The following MGMT variants were observed in gnomAD, a reference collection of about 807,000 sequenced individuals.
The protein encoded by MGMT is O-6-methylguanine-DNA methyltransferase.
A neutral mutation model predicts 15.9 loss-of-function variants in MGMT; 14 were observed. That is an observed-to-expected ratio of 0.88 (90% CI 0.58 to 1.37). MGMT has a LOEUF of 1.37. Ranked by LOEUF, MGMT falls within the 40% of genes most tolerant of loss-of-function variation. The probability of loss-of-function intolerance (pLI) is 0.00; values close to 1 mark genes in which losing one functional copy is unlikely to be tolerated. For synonymous variants in MGMT, 130 were observed against 118.2 expected, an observed-to-expected ratio of 1.10 and a Z score of -0.65; for missense variants, 282 against 268.1, an observed-to-expected ratio of 1.05 and a Z score of -0.36.
intron 1 of MGMT, among the ~76,000 whole-genome samples, chr10:129,473,646 GAC>G (rs1845256728): frequency 6.7e-6 from 1 of 150,164 alleles, no homozygotes; most frequent in Admixed American, 6.6e-5. Flanking sequence ...TAAGGGGCAA[GAC>G]AGGGTGTAAA....
intron 3 of MGMT, among the ~76,000 whole-genome samples, chr10:129,710,706 C>A (rs1000537870): frequency 2.0e-5 from 3 of 152,102 alleles, no homozygotes; most frequent in African/African-American, 7.2e-5. Context: ...CTTGTAACAT[C>A]AGTGAAATCA....
chr10:129,669,482 A>T (rs553890259), intron 2 of MGMT, among the ~76,000 whole-genome samples: 2 of 152,208 alleles, frequency 1.3e-5, no homozygotes, highest in African/African-American at 4.8e-5. Context: ...ACCCACAGAC[A>T]TACAATTTTA....
At chr10:129,590,285 A>C (rs1341154336) in intron 2 of MGMT, among the ~76,000 whole-genome samples, 1 of 152,220 alleles carries the variant, frequency 6.6e-6, no homozygotes, top group Non-Finnish European at 1.5e-5. Context: ...TTTATAGTTC[A>C]GTTGCTTTGA....
intron 4 of MGMT, among the ~76,000 whole-genome samples, chr10:129,760,622 C>T (rs527440255): frequency 1.3e-5 from 2 of 152,224 alleles, no homozygotes; most frequent in Non-Finnish European, 2.9e-5. Context: ...GGGGGCAGAG[C>T]CTCCGTTTCT....
chr10:129,686,589 C>T (rs887316278), intron 2 of MGMT, among the ~76,000 whole-genome samples: 2 of 107,762 alleles, frequency 1.9e-5, no homozygotes, highest in African/African-American at 8.2e-5. Context: ...TCTCAAACTC[C>T]TGACCTCAAG....
rs753107924 is a variant in MGMT at position 129,625,732 on chromosome 10, TGTGC to T, written c.126-82159_126-82156del. 1.4e-3 allele frequency among the ~76,000 whole-genome samples: 9 copies of T among 6,382 alleles called. No homozygotes were observed. The East Asian group carries it at 0.5, about 355-fold the overall frequency. The allele number at this position is 6,382 out of a possible 152,430, so 4.2% of individuals were successfully genotyped here. A position where few individuals can be genotyped will look rare whatever the true frequency, so the allele number is the denominator to read the frequency against. Reference sequence around the variant, plus strand: ...GTGTATACGAGTGTGCACACGTGTGTGTGCGTGTGTGTGCATGCATGTATGTGTG... The same window carrying T: ...GTGTATACGAGTGTGCACACGTGTGTGTGTGTGTGCATGCATGTATGTGTG... On this transcript the variant is annotated intron_variant, in intron 2 of 4. Coordinates refer to ENST00000651593, the MANE Select transcript of MGMT (RefSeq NM_002412.5).
At chr10:129,494,970 A>G (rs1414788373) in intron 1 of MGMT, among the ~76,000 whole-genome samples, 2 of 152,230 alleles carry the variant, frequency 1.3e-5, no homozygotes, top group Non-Finnish European at 2.9e-5. Context: ...ACAAGACACT[A>G]AAAAGATAAA....
In MGMT at chr10:129,769,370, C is replaced by A. The variant is rs1044196299; in HGVS notation, c.*2373C>A. On this transcript the variant is annotated 3_prime_UTR_variant, in exon 5 of 5. Coordinates refer to ENST00000651593, the MANE Select transcript of MGMT (RefSeq NM_002412.5). The stretch of plus-strand genomic sequence containing the variant: ...AGCTGCAGCGCCGTTCGTGAAAATA[C>A]AGAGGGAGAGGGAAGGCACAAAGAA... 1.3e-5 allele frequency: 2 copies of A among 152,246 alleles called. No homozygotes were observed. The highest frequency in any genetic ancestry group is 6.5e-5 in the Admixed American group (1 of 15,284). The allele number at this position is 152,246 out of a possible 1,614,324, so 9.4% of individuals were successfully genotyped here. A position where few individuals can be genotyped will look rare whatever the true frequency, so the allele number is the denominator to read the frequency against.
chr10:129,646,754 A>ATATATTTT, intron 2 of MGMT, among the ~76,000 whole-genome samples: 21 of 86,678 alleles, frequency 2.4e-4, no homozygotes, highest in African/African-American at 7.9e-4. Context: ...ATATATATAT[A>ATATATTTT]TTTTCAGGGA....
chr10:129,744,869 TC>T (rs1162054534), intron 3 of MGMT, among the ~76,000 whole-genome samples: 1 of 152,170 alleles, frequency 6.6e-6, no homozygotes, highest in African/African-American at 2.4e-5. Flanking sequence ...TTCACTGTCT[TC>T]CAGCCTCCCA....
chr10:129,732,926 A>G (rs1302711465), intron 3 of MGMT, among the ~76,000 whole-genome samples: 1 of 149,014 alleles, frequency 6.7e-6, no homozygotes, highest in Non-Finnish European at 1.5e-5. Context: ...CATGGTGTAT[A>G]TGTGCCACAT....
At chr10:129,670,284 A>G (rs1176550204) in intron 2 of MGMT, among the ~76,000 whole-genome samples, 4 of 152,164 alleles carry the variant, frequency 2.6e-5, no homozygotes, top group Admixed American at 2.6e-4. Context: ...TGCTTCACAC[A>G]ATTTCACAAC....
chr10:129,589,646 A>G (rs181772707), intron 2 of MGMT, among the ~76,000 whole-genome samples: 101 of 152,346 alleles, frequency 6.6e-4, no homozygotes, highest in African/African-American at 2.4e-3. Flanking sequence ...ACCACCTGCA[A>G]TAGTGACCCC....
At chr10:129,609,149 T>C (rs1202756603) in intron 2 of MGMT, among the ~76,000 whole-genome samples, 1 of 152,140 alleles carries the variant, frequency 6.6e-6, no homozygotes, top group East Asian at 1.9e-4. Context: ...GTGGACATGA[T>C]CCTGAGAGTC....
chr10:129,697,635 C>T (rs977501329), intron 2 of MGMT, among the ~76,000 whole-genome samples: 4 of 152,172 alleles, frequency 2.6e-5, no homozygotes, highest in Non-Finnish European at 4.4e-5. Context: ...GAGCTTACAT[C>T]GAGCTGTTTT....
intron 4 of MGMT, among the ~76,000 whole-genome samples, chr10:129,764,384 A>T (rs1256657696): frequency 1.3e-5 from 2 of 152,228 alleles, no homozygotes; most frequent in Non-Finnish European, 2.9e-5. Context: ...GGCCCCACAG[A>T]GGGCCACACC....
intron 2 of MGMT, among the ~76,000 whole-genome samples, chr10:129,615,483 G>C (rs577263572): frequency 2.0e-5 from 3 of 152,304 alleles, no homozygotes; most frequent in African/African-American, 4.8e-5. Flanking sequence ...GCGCCGGGCA[G>C]AAGTCTGTAT....
chr10:129,704,233 G>A (rs1294831068), intron 2 of MGMT, among the ~76,000 whole-genome samples: 2 of 152,074 alleles, frequency 1.3e-5, no homozygotes, highest in Non-Finnish European at 2.9e-5. Context: ...CTCACTAACG[G>A]GGAAGGAAAT....
chr10:129,708,523 CAG>C (rs1391658320), intron 3 of MGMT, among the ~76,000 whole-genome samples: 1 of 152,136 alleles, frequency 6.6e-6, no homozygotes, highest in Non-Finnish European at 1.5e-5. Flanking sequence ...TCAAACGTAC[CAG>C]AGTTAGACAT....
Sources: allele counts gnomAD v4.1 joint callset (sites outside exome capture counted in the v4.1 genomes callset), GRCh38; gene constraint gnomAD v4.1.1; transcripts MANE v1.5; gene names NCBI Gene and HGNC (gene_info 2026-07-23, HGNC 2026-07-21).